Variants in TUSC3 observed in about 807,000 individuals in gnomAD.
TUSC3 encodes dolichyl-diphosphooligosaccharide--protein glycosyltransferase subunit TUSC3.
TUSC3 carries 45 observed loss-of-function variants against 44.8 expected under a neutral mutation model. The ratio of observed to expected loss-of-function variants is 1.00; its 90% CI spans 0.79 to 1.29. The LOEUF (loss-of-function observed/expected upper bound fraction) is 1.29, where lower values mean the gene tolerates loss of function less well. Among genes scored for constraint, TUSC3 ranks in the 50% most tolerant of loss-of-function variants. TUSC3 has a pLI of 0.00. For missense variants in TUSC3, 519 were observed against 437.9 expected, an observed-to-expected ratio of 1.19 and a Z score of -1.65; for synonymous variants, 212 against 152.9, an observed-to-expected ratio of 1.39 and a Z score of -2.85.
intron 2 of TUSC3, among the ~76,000 whole-genome samples, chr8:15,509,246 A>G (rs141004944): frequency 2.2e-4 from 33 of 152,356 alleles, no homozygotes; most frequent in African/African-American, 7.2e-4. Context: ...GCTCTTGTCA[A>G]TAAATTAAAC....
chr8:15,728,622 C>G (rs1810593092), intron 6 of TUSC3, among the ~76,000 whole-genome samples: 1 of 152,084 alleles, frequency 6.6e-6, no homozygotes, highest in East Asian at 1.9e-4. Context: ...GAAGCAGGTG[C>G]TGGGATAGAA....
intron 1 of TUSC3, among the ~76,000 whole-genome samples, chr8:15,585,843 T>A (rs1803578171): frequency 6.6e-6 from 1 of 152,162 alleles, no homozygotes; most frequent in Non-Finnish European, 1.5e-5. Flanking sequence ...ACTGCCTGCG[T>A]GAGCGTGACC....
intron 1 of TUSC3, among the ~76,000 whole-genome samples, chr8:15,611,127 T>A (rs922483121): frequency 2.7e-5 from 4 of 148,858 alleles, no homozygotes; most frequent in Non-Finnish European, 4.4e-5. Flanking sequence ...TTTTACAGTA[T>A]TTCTTTCTTT....
chr8:15,428,618 A>G (rs186736154), intron 1 of TUSC3, among the ~76,000 whole-genome samples: 30 of 146,394 alleles, frequency 2.0e-4, no homozygotes, highest in African/African-American at 6.4e-4. Context: ...TCTCCACATC[A>G]TCTCCAGCAC....
intron 7 of TUSC3, among the ~76,000 whole-genome samples, chr8:15,732,783 C>G (rs533752721): frequency 6.6e-6 from 1 of 152,046 alleles, no homozygotes; most frequent in Admixed American, 6.6e-5. Context: ...TGCAGGAGAA[C>G]GAAAAGATAC....
At chr8:15,475,716 T>A (rs1294399462) in intron 1 of TUSC3, among the ~76,000 whole-genome samples, 1 of 152,206 alleles carries the variant, frequency 6.6e-6, no homozygotes, top group Non-Finnish European at 1.5e-5. Context: ...AGTGTGTTGT[T>A]GTCTTAGTTT....
chr8:15,678,228 C>T (rs1038258223), intron 6 of TUSC3, among the ~76,000 whole-genome samples: 1 of 152,136 alleles, frequency 6.6e-6, no homozygotes, highest in Non-Finnish European at 1.5e-5. Context: ...AAAGTTATTA[C>T]TTCTCCAGCA....
At chr8:15,789,798 A>C in the TUSC3 span, among the ~76,000 whole-genome samples, 1 of 152,224 alleles carries the variant, frequency 6.6e-6, no homozygotes, top group Admixed American at 6.5e-5. Context: ...CCTTAAAAGT[A>C]ACAAGGAAAA....
chr8:15,536,802 G>A, upstream of TUSC3, among the ~76,000 whole-genome samples: 1 of 147,282 alleles, frequency 6.8e-6, no homozygotes, highest in Non-Finnish European at 1.5e-5. Context: ...TGAGGACTAA[G>A]CTCTGATTTT....
At chr8:15,564,538 C>G (rs13253915) in intron 1 of TUSC3, among the ~76,000 whole-genome samples, 31,397 of 152,000 alleles carry the variant, frequency 0.21, 3,936 homozygotes, top group Non-Finnish European at 0.28. Context: ...AGCTTTAGAG[C>G]TACTTATGTC....
At chr8:15,837,153 G>A in the TUSC3 span, among the ~76,000 whole-genome samples, 3 of 152,088 alleles carry the variant, frequency 2.0e-5, no homozygotes, top group Non-Finnish European at 4.4e-5. Flanking sequence ...ATCTGAGGCT[G>A]AAGGTAATTA....
At chr8:15,517,256 T>G (rs76036405) in intron 2 of TUSC3, among the ~76,000 whole-genome samples, 78 of 152,216 alleles carry the variant, frequency 5.1e-4, no homozygotes, top group East Asian at 5.0e-3. Flanking sequence ...AATTGATTTG[T>G]GTAGTGTTGT....
chr8:15,667,747 A>C (rs9650389), intron 5 of TUSC3, among the ~76,000 whole-genome samples: 77,303 of 151,506 alleles, frequency 0.51, 19,810 homozygotes, highest in Non-Finnish European at 0.52. Context: ...AAAGTGTTGA[A>C]AGCATGTAAT....
intron 1 of TUSC3, among the ~76,000 whole-genome samples, chr8:15,589,112 A>C (rs1050695276): frequency 6.6e-6 from 1 of 152,134 alleles, no homozygotes; most frequent in East Asian, 1.9e-4. Flanking sequence ...TCTGTTTGTC[A>C]GATACAAATA....
the TUSC3 span, among the ~76,000 whole-genome samples, chr8:15,781,930 C>A: frequency 2.0e-5 from 3 of 152,094 alleles, no homozygotes; most frequent in African/African-American, 7.2e-5. Context: ...GTCAGGAGTT[C>A]CAGACCACCC....
At chr8:15,548,127 A>G (rs1254802604) in intron 1 of TUSC3, among the ~76,000 whole-genome samples, 2 of 151,638 alleles carry the variant, frequency 1.3e-5, no homozygotes, top group Admixed American at 6.6e-5. Flanking sequence ...TGAGAAATAA[A>G]TTTCCGTTGC....
At chr8:15,551,376 CATG>C (rs1174867243) in intron 1 of TUSC3, among the ~76,000 whole-genome samples, 2 of 151,594 alleles carry the variant, frequency 1.3e-5, no homozygotes, top group African/African-American at 4.8e-5. Context: ...GAAGTTGACT[CATG>C]ATAACAGTCT....
At chr8:15,514,405 T>G (rs776930139) in intron 2 of TUSC3, among the ~76,000 whole-genome samples, 10 of 152,210 alleles carry the variant, frequency 6.6e-5, no homozygotes, top group Non-Finnish European at 8.8e-5. Flanking sequence ...AACTTGCTCA[T>G]GATTACAAAG....
Position 15,743,195 on chromosome 8 carries a change from C to G in TUSC3, c.863-343C>G, listed in dbSNP as rs1811267819. Among the ~76,000 whole-genome samples, 4 of 152,296 alleles carry G rather than the reference C, an allele frequency of 2.6e-5. No homozygotes were observed. In the South Asian group the frequency reaches 8.3e-4, roughly 32 times the overall value. Reference sequence around the variant, plus strand: ...AATGAAATGTGTCAATGACATGTGTCATGTCTATAAGCAGTGCATATCTTT... The same window carrying G: ...AATGAAATGTGTCAATGACATGTGTGATGTCTATAAGCAGTGCATATCTTT... On this transcript the variant is annotated intron_variant, in intron 7 of 10. Coordinates refer to ENST00000503731, the MANE Select transcript of TUSC3 (RefSeq NM_006765.4).
Sources: allele counts gnomAD v4.1 joint callset (sites outside exome capture counted in the v4.1 genomes callset), GRCh38; gene constraint gnomAD v4.1.1; transcripts MANE v1.5; gene names NCBI Gene and HGNC (gene_info 2026-07-23, HGNC 2026-07-21).